Variants in DNAH1 observed in about 807,000 individuals in gnomAD.
DNAH1 encodes the protein dynein axonemal heavy chain 1.
In DNAH1, 327 loss-of-function variants were observed where a neutral mutation model predicts 484.3. That is an observed-to-expected ratio of 0.68 (90% CI 0.62 to 0.74). The LOEUF (loss-of-function observed/expected upper bound fraction) is 0.74. DNAH1 is among the 30% of genes least tolerant of loss of function. DNAH1 has a pLI of 0.00. For missense variants in DNAH1, 5,052 were observed against 5,546.8 expected (o/e 0.91, Z 2.83); for synonymous variants, 2,192 against 2,191.9 (o/e 1.00, Z 0.00).
rs1702409383 is a variant in DNAH1 at position 52,352,112 on chromosome 3, C to T, written c.2871+9C>T. ...AGCTGGAAGGGCTGCAGGTGGGGCA[C>T]AGCTGCAGGCTTGGTGCTGGACACA... On this transcript the variant is annotated intron_variant, in intron 17 of 77. Transcript: ENST00000420323. 2 of 1,569,164 alleles carry T rather than the reference C, an allele frequency of 1.3e-6. No individual in the cohort carries two copies. The highest frequency in any genetic ancestry group is 8.6e-7 in the Non-Finnish European group (1 of 1,157,906).
rs866938519 is a variant in DNAH1, at chr3:52,346,372, C to G, written c.1657-100C>G. ...ACATCCCTCCACAGTCAGATGAGCC[C>G]TGAGCCGCCCCAAGCACCCTGGTGC... On this transcript the variant is annotated intron_variant, in intron 10 of 77. Coordinates refer to ENST00000420323, the MANE Select transcript of DNAH1 (RefSeq NM_015512.5). The G allele has an allele frequency of 8.9e-5, 116 of 1,306,872 alleles. 1 individual carries two copies. The Middle Eastern group carries it at 2.4e-3, about 27-fold the overall frequency. The allele number at this position is 1,306,872 out of a possible 1,614,324, so 81.0% of individuals were successfully genotyped here.
rs760029791 is a variant in DNAH1 at position 52,372,062 on chromosome 3, C to T, written c.6642C>T (p.Asp2214=). 28 of 1,613,642 alleles carry T rather than the reference C, an allele frequency of 1.7e-5. No individual in the cohort carries two copies. Among genetic ancestry groups the T allele is most frequent in the Non-Finnish European group, 2.4e-5 (28 of 1,179,848 alleles). ...MDTVQMSHLL[D]MLLTNKKPVL... ...CCGTGCAGATGTCCCATTTACTGGA[C>T]ATGCTGCTCACCAACAAGAAGCCCG... is the stretch of plus-strand genomic sequence containing the variant. Residue 2214 remains aspartate (D), a synonymous_variant, in exon 42 of 78, where the codon GAC becomes GAT. Coordinates refer to ENST00000420323, the MANE Select transcript of DNAH1 (RefSeq NM_015512.5).
chr3:52,354,728 C>A, intron 20 of DNAH1, 115 bp from the exon 21 acceptor site: 2 of 915,110 alleles, frequency 2.2e-6, no homozygotes, highest in Non-Finnish European at 3.3e-6. Context: ...TTTGCCAGAG[C>A]GGCCATGTGG....
In DNAH1 at chr3:52,369,904, T is replaced by G; in HGVS notation, c.6023T>G (p.Leu2008Arg). ...GTCTCCCGCTGTGGCATGGTGTACC[T>G]GGAGCCCAGCATCCTGGGGCTCATG... is the stretch of plus-strand genomic sequence containing the variant. ...ATVSRCGMVY[L>R]EPSILGLMPF... Residue 2008 changes from leucine to arginine, a missense_variant, in exon 38 of 78, where the codon CTG (leucine) becomes CGG (arginine). This residue lies in a region of DNAH1 where 2,929 missense variants were observed against 3,409.4 expected (regional missense o/e 0.86). Transcript: ENST00000420323. 6.2e-7 allele frequency: 1 copy of G among 1,614,002 alleles called. No homozygotes were observed. Among genetic ancestry groups the G allele is most frequent in the Non-Finnish European group, 8.5e-7 (1 of 1,179,886 alleles).
chr3:52,377,421 G>A (rs1195336987), intron 46 of DNAH1, among the ~76,000 whole-genome samples: 5 of 151,806 alleles, frequency 3.3e-5, no homozygotes, highest in African/African-American at 9.7e-5. Context: ...CTGTAGCCCC[G>A]CCATGGTCTC....
chr3:52,328,046 A>T, intron 6 of DNAH1, 32 bp downstream of exon 6: 1 of 1,602,920 alleles, frequency 6.2e-7, no homozygotes, highest in Non-Finnish European at 8.5e-7. Context: ...TGGGGACACT[A>T]TCTCATTCCA....
At chr3:52,348,585 T>C in intron 12 of DNAH1, among the ~76,000 whole-genome samples, 1 of 152,218 alleles carries the variant, frequency 6.6e-6, no homozygotes, top group East Asian at 1.9e-4. Context: ...CAGCTGTCTT[T>C]TCTGCACCTT....
chr3:52,363,408 G>A (rs551192752), intron 32 of DNAH1, among the ~76,000 whole-genome samples: 2 of 152,376 alleles, frequency 1.3e-5, no homozygotes, highest in East Asian at 1.9e-4. Flanking sequence ...TGCCTGTGTG[G>A]CTACTTCAGG....
intron 56 of DNAH1, among the ~76,000 whole-genome samples, chr3:52,387,624 AAGCGCCCAAGTCAGG>A (rs1013925718): frequency 6.6e-6 from 1 of 152,134 alleles, no homozygotes; most frequent in Non-Finnish European, 1.5e-5. Flanking sequence ...CCTCTGAGAG[AAGCGCCCAAGTCAGG>A]AGTGCTCAAG....
chr3:52,370,094 T>G lies in DNAH1; in HGVS notation c.6139-16T>G, dbSNP rs1578157638. On this transcript the variant is annotated splice_polypyrimidine_tract_variant and intron_variant, in intron 38 of 77. Coordinates refer to ENST00000420323, the MANE Select transcript of DNAH1 (RefSeq NM_015512.5). ...GTGGCTGCCAGCCATGAGAACTGGGTGCCTACTCCCTGCAGGAATCCATCT... is the reference window on the plus strand; with the variant it reads ...GTGGCTGCCAGCCATGAGAACTGGGGGCCTACTCCCTGCAGGAATCCATCT... 6.2e-7 allele frequency: 1 copy of G among 1,613,908 alleles called. No homozygotes were observed. Among genetic ancestry groups the G allele is most frequent in the Non-Finnish European group, 8.5e-7 (1 of 1,179,860 alleles).
At chr3:52,328,564 G>A (rs34628357) in intron 6 of DNAH1, among the ~76,000 whole-genome samples, 5,542 of 152,298 alleles carry the variant, frequency 0.036, 145 homozygotes, top group Non-Finnish European at 0.05. Context: ...CACAACCACT[G>A]TCACACCTCA....
Position 52,386,345 on chromosome 3 carries a change from G to A in DNAH1, c.8811G>A (p.Glu2937=). 3.2e-6 allele frequency: 5 copies of A among 1,566,992 alleles called. No individual in the cohort carries two copies. Among genetic ancestry groups the A allele is most frequent in the Non-Finnish European group, 4.3e-6 (5 of 1,156,024 alleles). Residue 2937 remains glutamate (E), a splice_region_variant and synonymous_variant, in exon 55 of 78, where the codon GAG becomes GAA. Transcript: ENST00000420323. ...LRNLNKNDVT[E]VRAMQRPPPG... ...ACCTCAACAAGAACGATGTGACCGAGGTGGGCAGCAGGGCATCTCCTGGCA... is the reference window on the plus strand; with the variant it reads ...ACCTCAACAAGAACGATGTGACCGAAGTGGGCAGCAGGGCATCTCCTGGCA...
chr3:52,400,301 C>T (rs531369734), intron 77 of DNAH1, 24 bp from the exon 78 acceptor site: 29 of 1,613,502 alleles, frequency 1.8e-5, no homozygotes, highest in African/African-American at 4.0e-5. Flanking sequence ...TGACCTAACC[C>T]GTCCCCCTCC....
chr3:52,360,689 T>C (rs1425855479), intron 28 of DNAH1, among the ~76,000 whole-genome samples: 1 of 152,214 alleles, frequency 6.6e-6, no homozygotes, highest in Non-Finnish European at 1.5e-5. Context: ...CTGATACATG[T>C]AGAGCTCTCA....
At chr3:52,348,570 T>G (rs1428496661) in intron 12 of DNAH1, among the ~76,000 whole-genome samples, 2 of 152,252 alleles carry the variant, frequency 1.3e-5, no homozygotes, top group East Asian at 3.8e-4. Context: ...AGAGCCTTCA[T>G]GACCCAGCTG....
intron 1 of DNAH1, among the ~76,000 whole-genome samples, chr3:52,319,036 A>G (rs980696409): frequency 1.7e-4 from 26 of 152,216 alleles, no homozygotes; most frequent in African/African-American, 5.3e-4. Flanking sequence ...ATGCTAGAAC[A>G]TGGATCTTTG....
chr3:52,331,387 A>G, intron 7 of DNAH1, 78 bp downstream of exon 7: 1 of 1,483,290 alleles, frequency 6.7e-7, no homozygotes, highest in Non-Finnish European at 9.1e-7. Flanking sequence ...AACTCCGCCC[A>G]GGGCACTGCC....
At chr3:52,348,845 T>C in intron 12 of DNAH1, 43 bp from the exon 13 acceptor site, 1 of 1,595,582 alleles carries the variant, frequency 6.3e-7, no homozygotes, top group Non-Finnish European at 8.5e-7. Flanking sequence ...ATTCACCCCC[T>C]GGCTCATCCA....
Position 52,358,437 on chromosome 3 carries a change from G to T in DNAH1, c.4087-121G>T, listed in dbSNP as rs1702709704. The T allele has an allele frequency of 1.8e-6, 2 of 1,101,656 alleles. No individual in the cohort carries two copies. Among genetic ancestry groups the T allele is most frequent in the Admixed American group, 2.9e-5 (1 of 34,604 alleles). 68.2% of individuals were successfully genotyped at this position (1,101,656 alleles called of 1,614,324 possible). A position where few individuals can be genotyped will look rare whatever the true frequency, so the allele number is the denominator to read the frequency against. ...GCCAAGATAGACTCTCGGGGGGACG[G>T]GAAGGCAGGGCTTTCTTCTTGAGGT... On this transcript the variant is annotated intron_variant, in intron 24 of 77. Coordinates refer to ENST00000420323, the MANE Select transcript of DNAH1 (RefSeq NM_015512.5). This position sits in a 1 kb window ranked among gnomAD's most constrained non-coding sequence, Gnocchi z 4.2.
Sources: allele counts gnomAD v4.1 joint callset (sites outside exome capture counted in the v4.1 genomes callset), GRCh38; gene constraint gnomAD v4.1.1; regional missense constraint gnomAD v4.1.1; non-coding constraint Gnocchi (gnomAD v3.1); transcripts MANE v1.5; gene names NCBI Gene and HGNC (gene_info 2026-07-23, HGNC 2026-07-21).